SOX5: variants seen among roughly 807,000 people sequenced by gnomAD.
SOX5 encodes the protein SRY-box transcription factor 5.
Under a neutral mutation model 92.0 loss-of-function variants are expected in SOX5, and 9 were observed. That is an observed-to-expected ratio of 0.10 (90% confidence interval 0.06 to 0.17). SOX5 has a LOEUF of 0.17. Ranked by LOEUF, SOX5 falls within the 10% of genes least tolerant of loss-of-function variation. SOX5 has a pLI of 1.00. For missense variants in SOX5, 642 were observed against 944.5 expected, an observed-to-expected ratio of 0.68 and a Z score of 4.20; for synonymous variants, 344 against 336.3, an observed-to-expected ratio of 1.02 and a Z score of -0.25.
At chr12:23,843,338 G>A (rs981446580) in intron 3 of SOX5, among the ~76,000 whole-genome samples, 1 of 152,004 alleles carries the variant, frequency 6.6e-6, no homozygotes, top group Non-Finnish European at 1.5e-5. Flanking sequence ...TAATAATAAT[G>A]TATCAATGTT....
chr12:23,835,611 G>A (rs937395673), intron 3 of SOX5, among the ~76,000 whole-genome samples: 3 of 151,558 alleles, frequency 2.0e-5, no homozygotes, highest in Non-Finnish European at 4.4e-5. Flanking sequence ...TCTCTATTGA[G>A]GCATAAGAAA....
chr12:23,589,567 A>T (rs1036859560), intron 9 of SOX5, among the ~76,000 whole-genome samples: 1 of 151,934 alleles, frequency 6.6e-6, no homozygotes, highest in African/African-American at 2.4e-5. Flanking sequence ...AATGGCGAAT[A>T]CTTTATTTAA....
intron 4 of SOX5, among the ~76,000 whole-genome samples, chr12:23,958,728 T>TA (rs5797051): frequency 0.47 from 69,856 of 148,374 alleles, 16,913 homozygotes; most frequent in Non-Finnish European, 0.55. Flanking sequence ...GGATTTTAAG[T>TA]AAAAAAAAAA....
chr12:24,163,215 G>C (rs1394230065), intron 4 of SOX5, among the ~76,000 whole-genome samples: 1 of 152,122 alleles, frequency 6.6e-6, no homozygotes, highest in Non-Finnish European at 1.5e-5. Context: ...AGGGCTTTCA[G>C]AAATGACCTA....
intron 4 of SOX5, among the ~76,000 whole-genome samples, chr12:23,981,688 T>C (rs975237175): frequency 3.3e-5 from 5 of 152,272 alleles, no homozygotes; most frequent in African/African-American, 1.2e-4. Context: ...CATTTGCCTA[T>C]TTTTTGTTTT....
intron 3 of SOX5, among the ~76,000 whole-genome samples, chr12:24,270,389 A>G (rs1160676228): frequency 6.6e-6 from 1 of 152,114 alleles, no homozygotes; most frequent in Non-Finnish European, 1.5e-5. Context: ...AGAACCTTCA[A>G]TTATTTTACT....
chr12:23,994,431 G>C (rs1469488225), intron 4 of SOX5, among the ~76,000 whole-genome samples: 5 of 152,132 alleles, frequency 3.3e-5, no homozygotes, highest in Non-Finnish European at 7.4e-5. Flanking sequence ...ACATGTGTAT[G>C]AATATGTATA....
At chr12:24,348,068 A>G (rs1024162277) in intron 2 of SOX5, among the ~76,000 whole-genome samples, 1 of 151,362 alleles carries the variant, frequency 6.6e-6, no homozygotes, top group African/African-American at 2.4e-5. Flanking sequence ...AAAAAAAAAA[A>G]AACAGAAATT....
At chr12:23,666,495 C>CA (rs2083832454) in intron 6 of SOX5, among the ~76,000 whole-genome samples, 1 of 152,138 alleles carries the variant, frequency 6.6e-6, no homozygotes, top group Non-Finnish European at 1.5e-5. Context: ...TTGTCACTAA[C>CA]TAAAATACTT....
At chr12:24,126,338 G>A (rs1315910374) in intron 4 of SOX5, among the ~76,000 whole-genome samples, 6 of 151,936 alleles carry the variant, frequency 3.9e-5, no homozygotes, top group Non-Finnish European at 7.4e-5. Flanking sequence ...TACAAAATTC[G>A]TGTGCTCAAA....
intron 4 of SOX5, among the ~76,000 whole-genome samples, chr12:24,076,771 G>A (rs1322847629): frequency 7.3e-6 from 1 of 136,150 alleles, no homozygotes; most frequent in African/African-American, 2.8e-5. Context: ...TTTGGCATGA[G>A]ACTTCTAATT....
chr12:23,946,210 G>A (rs1286809380), intron 1 of SOX5, among the ~76,000 whole-genome samples: 2 of 152,100 alleles, frequency 1.3e-5, no homozygotes, highest in Non-Finnish European at 2.9e-5. Flanking sequence ...CAATTTGGGA[G>A]AAGCAATCAA....
intron 1 of SOX5, among the ~76,000 whole-genome samples, chr12:24,377,278 A>G (rs1028619602): frequency 6.6e-6 from 1 of 152,220 alleles, no homozygotes; most frequent in African/African-American, 2.4e-5. Context: ...GAAAACTGGC[A>G]CAGAGAGATT....
chr12:24,524,742 A>G (rs1414908686), intron 1 of SOX5, among the ~76,000 whole-genome samples: 3 of 152,194 alleles, frequency 2.0e-5, no homozygotes, highest in African/African-American at 7.2e-5. Context: ...TACACTCTCT[A>G]TAAAAAATAG....
At chr12:23,965,034 C>T (rs896321024) in intron 4 of SOX5, among the ~76,000 whole-genome samples, 4 of 152,038 alleles carry the variant, frequency 2.6e-5, no homozygotes, top group African/African-American at 7.2e-5. Flanking sequence ...CCAGGGGGCG[C>T]GTGGTCAGCT....
chr12:23,721,739 A>G (rs2092828054), intron 6 of SOX5, among the ~76,000 whole-genome samples: 1 of 152,246 alleles, frequency 6.6e-6, no homozygotes, highest in Admixed American at 6.5e-5. Flanking sequence ...TTGCAGGATC[A>G]AGAATTGCAC....
chr12:24,057,707 G>A (rs759105149), intron 4 of SOX5, among the ~76,000 whole-genome samples: 2 of 152,064 alleles, frequency 1.3e-5, no homozygotes, highest in Non-Finnish European at 2.9e-5. Flanking sequence ...CCACAACACA[G>A]GCAATAATAT....
intron 4 of SOX5, among the ~76,000 whole-genome samples, chr12:23,986,655 T>A (rs1468182418): frequency 6.6e-6 from 1 of 152,172 alleles, no homozygotes; most frequent in East Asian, 1.9e-4. Context: ...ATCCATTTTA[T>A]CATGGACGTG....
At chr12:23,811,098 G>A (rs893951772) in intron 3 of SOX5, among the ~76,000 whole-genome samples, 3 of 151,976 alleles carry the variant, frequency 2.0e-5, no homozygotes, top group African/African-American at 4.8e-5. Context: ...TAAAAGCCTC[G>A]ATTTCTGTAT....
Sources: allele counts gnomAD v4.1 joint callset (sites outside exome capture counted in the v4.1 genomes callset), GRCh38; gene constraint gnomAD v4.1.1; transcripts MANE v1.5; gene names NCBI Gene and HGNC (gene_info 2026-07-23, HGNC 2026-07-21).